Variants in MTMR12 observed in about 807,000 individuals in gnomAD.
MTMR12 encodes the protein myotubularin related protein 12, also known as myotubularin-related protein 12.
In MTMR12, 33 loss-of-function variants were observed where a neutral mutation model predicts 96.7. The observed-to-expected ratio is 0.34, with a 90% confidence interval of 0.26 to 0.46. MTMR12 has a LOEUF of 0.46. Ranked by LOEUF, MTMR12 falls within the 20% of genes least tolerant of loss-of-function variation. MTMR12 has a pLI of 1.00. For missense variants in MTMR12, 721 were observed against 896.1 expected, an observed-to-expected ratio of 0.80 and a Z score of 2.49; for synonymous variants, 298 against 327.2, an observed-to-expected ratio of 0.91 and a Z score of 0.96.
chr5:32,263,858 T>A (rs1749479196), intron 6 of MTMR12, among the ~76,000 whole-genome samples: 1 of 152,228 alleles, frequency 6.6e-6, no homozygotes, highest in Admixed American at 6.5e-5. Context: ...TGTGAAGCAC[T>A]AAAAGACAGG....
intron 3 of MTMR12, among the ~76,000 whole-genome samples, chr5:32,272,903 G>A (rs925461550): frequency 6.6e-6 from 1 of 152,174 alleles, no homozygotes; most frequent in Non-Finnish European, 1.5e-5. Flanking sequence ...AGGCCAGATG[G>A]AAGAGGCAGT....
chr5:32,272,789 T>C (rs988966589), intron 3 of MTMR12, among the ~76,000 whole-genome samples: 2 of 152,102 alleles, frequency 1.3e-5, no homozygotes, highest in Admixed American at 1.3e-4. Context: ...CACACAAATG[T>C]GAACAGGGGA....
intron 5 of MTMR12, among the ~76,000 whole-genome samples, chr5:32,270,047 C>T (rs1749772581): frequency 6.6e-6 from 1 of 152,154 alleles, no homozygotes; most frequent in South Asian, 2.1e-4. Context: ...TGTGCAAACT[C>T]ACTGCAGCCA....
intron 14 of MTMR12, chr5:32,234,682 T>C (rs1261255827): frequency 4.7e-6 from 1 of 211,730 alleles, no homozygotes; most frequent in Non-Finnish European, 9.3e-6. Context: ...GCATATGCCA[T>C]AGGGTGCTGT....
chr5:32,263,381 T>G (rs1581613010), intron 6 of MTMR12, 139 bp from the exon 7 acceptor site: 1 of 1,005,760 alleles, frequency 9.9e-7, no homozygotes, highest in East Asian at 2.6e-5. Flanking sequence ...GATTGCTTAA[T>G]CCTAACCTTG....
At chr5:32,231,505 ACTGTT>A (rs1336611514) in intron 15 of MTMR12, among the ~76,000 whole-genome samples, 1 of 152,102 alleles carries the variant, frequency 6.6e-6, no homozygotes, top group Non-Finnish European at 1.5e-5. Context: ...CTCTTTTGCT[ACTGTT>A]CATTTGAAGT....
chr5:32,306,773 T>A (rs1751382767), intron 1 of MTMR12, among the ~76,000 whole-genome samples: 1 of 152,202 alleles, frequency 6.6e-6, no homozygotes, highest in Non-Finnish European at 1.5e-5. Flanking sequence ...ATCTGTATGA[T>A]GGAGGATGAG....
intron 1 of MTMR12, chr5:32,309,897 A>G (rs1008816432): frequency 1.3e-5 from 2 of 152,246 alleles, no homozygotes; most frequent in African/African-American, 4.8e-5. Flanking sequence ...GAACCTTCAT[A>G]CGCTGTTGGT....
At chr5:32,303,835 T>A (rs1267636796) in intron 1 of MTMR12, among the ~76,000 whole-genome samples, 1 of 111,570 alleles carries the variant, frequency 9.0e-6, no homozygotes, top group African/African-American at 3.7e-5. Context: ...CTCACTGCCC[T>A]CTTTGCCATC....
At chr5:32,288,296 G>C (rs1031735762) in intron 1 of MTMR12, among the ~76,000 whole-genome samples, 4 of 152,078 alleles carry the variant, frequency 2.6e-5, no homozygotes, top group African/African-American at 7.2e-5. Flanking sequence ...CCCCAGTAGT[G>C]GCAACATCCC....
chr5:32,243,030 G>T (rs1247865732), intron 11 of MTMR12, among the ~76,000 whole-genome samples: 2 of 152,182 alleles, frequency 1.3e-5, no homozygotes, highest in Admixed American at 1.3e-4. Flanking sequence ...AATGGCAACA[G>T]AGAAGAGCTA....
chr5:32,233,281 GTAC>G lies in MTMR12; in HGVS notation c.1674+489_1674+491del, dbSNP rs555278750. 5.7e-4 allele frequency among the ~76,000 whole-genome samples: 87 copies of G among 151,454 alleles called. No homozygotes were observed. Among genetic ancestry groups the G allele is most frequent in the Non-Finnish European group, 1.1e-3 (73 of 67,922 alleles). ...GGCAGAGCAGACTAAGGCTTCTTTT[GTAC>G]TACAACAGTAGAGGGGTAGTTGTGA... On this transcript the variant is annotated intron_variant, in intron 15 of 15. Coordinates refer to ENST00000382142, the MANE Select transcript of MTMR12 (RefSeq NM_001040446.3). The surrounding 1 kb of genome is among the most constrained non-coding windows in gnomAD (Gnocchi z 5.0).
In MTMR12 at chr5:32,248,075, G is replaced by A. The variant is rs150057874; in HGVS notation, c.948C>T (p.Asp316=). 2.6e-4 allele frequency: 412 copies of A among 1,613,944 alleles called. 3 individuals are homozygous for A. Among genetic ancestry groups the A allele is most frequent in the Middle Eastern group, 2.5e-3 (15 of 6,062 alleles). ...GCAGGGACAGGAAGTTGCTTGACAG[G>A]TCTTCCGTTTTAACAATTTCATAGG... ...RPPYEIVKTE[D]LSSNFLSLQE... is the part of the protein sequence containing the mutation. The change falls in exon 10 of 16, where the codon GAC becomes GAT. Residue 316 remains aspartate, a synonymous_variant. Transcript: ENST00000382142.
At chr5:32,256,476 T>TA (rs1749136858) in intron 7 of MTMR12, among the ~76,000 whole-genome samples, 1 of 152,216 alleles carries the variant, frequency 6.6e-6, no homozygotes, top group African/African-American at 2.4e-5. Context: ...TCAACTTCTA[T>TA]AGGAGAAAAT....
intron 1 of MTMR12, among the ~76,000 whole-genome samples, chr5:32,286,027 T>C (rs1477429749): frequency 2.0e-5 from 3 of 152,100 alleles, no homozygotes; most frequent in Admixed American, 6.5e-5. Context: ...ACATGTTAAG[T>C]ACCAAACGCT....
intron 10 of MTMR12, 91 bp downstream of exon 10, chr5:32,247,911 A>C: frequency 6.6e-7 from 1 of 1,519,838 alleles, no homozygotes; most frequent in African/African-American, 1.4e-5. Flanking sequence ...TAACGTAAGG[A>C]ACCCAGGGAA....
intron 12 of MTMR12, among the ~76,000 whole-genome samples, chr5:32,240,182 C>G (rs376115444): frequency 6.6e-6 from 1 of 151,996 alleles, no homozygotes; most frequent in Non-Finnish European, 1.5e-5. Context: ...GGGTGGATCA[C>G]GATGTCAGGA....
Position 32,274,177 on chromosome 5 carries a change from C to A in MTMR12, c.143-55G>T, listed in dbSNP as rs569384192. The A allele has an allele frequency of 6.9e-6, 11 of 1,584,810 alleles. No individual in the cohort carries two copies. In the Admixed American group the frequency reaches 9.0e-5, roughly 13 times the overall value. On this transcript the variant is annotated intron_variant, in intron 2 of 15. Transcript: ENST00000382142. ...GAGTTCTCAGGGAACATACGATATG[C>A]AAACACTAAAGGCTTTCCAGCCCTA...
At chr5:32,306,475 G>C (rs1053227203) in intron 1 of MTMR12, among the ~76,000 whole-genome samples, 22 of 152,068 alleles carry the variant, frequency 1.4e-4, no homozygotes, top group Non-Finnish European at 8.8e-5. Flanking sequence ...CTGACCAAAA[G>C]AAATGGCCTT....
Sources: allele counts gnomAD v4.1 joint callset (sites outside exome capture counted in the v4.1 genomes callset), GRCh38; gene constraint gnomAD v4.1.1; non-coding constraint Gnocchi (gnomAD v3.1); transcripts MANE v1.5; gene names NCBI Gene and HGNC (gene_info 2026-07-23, HGNC 2026-07-21).